The following LARP1 variants were observed in gnomAD, a reference collection of about 807,000 sequenced individuals.
LARP1 encodes the protein la-related protein 1.
LARP1 carries 36 observed loss-of-function variants against 122.7 expected under a neutral mutation model. The ratio of observed to expected loss-of-function variants is 0.29; its 90% CI spans 0.22 to 0.39. The LOEUF (loss-of-function observed/expected upper bound fraction) is 0.39, where lower values mean the gene tolerates loss of function less well. Ranked by LOEUF, LARP1 falls within the 10% of genes least tolerant of loss-of-function variation. LARP1 has a pLI of 1.00. For missense variants in LARP1, 1,040 were observed against 1,403.6 expected (o/e 0.74, Z 4.14); for synonymous variants, 539 against 528.7 (o/e 1.02, Z -0.27).
At chr5:154,732,202 AAAAG>A (rs57870047) in intron 1 of LARP1, among the ~76,000 whole-genome samples, 96,898 of 129,602 alleles carry the variant, frequency 0.75, 36,406 homozygotes, top group Non-Finnish European at 0.85. Flanking sequence ...AAAAAAAAAA[AAAAG>A]AAAGGTGAAT....
In LARP1 at chr5:154,801,557, C is replaced by T. The variant is rs114846367; in HGVS notation, c.1717-450C>T. ...TATATAATTGAACATCTGGTATTAC[C>T]AGATCCCCGTCTAGGTACTGAGTAT... On this transcript the variant is annotated intron_variant, in intron 10 of 18. Coordinates refer to ENST00000518297, the MANE Select transcript of LARP1 (RefSeq NM_033551.3). 2.5e-3 allele frequency among the ~76,000 whole-genome samples: 374 copies of T among 152,256 alleles called. 2 individuals carry two copies. The highest frequency in any genetic ancestry group is 8.4e-3 in the African/African-American group (349 of 41,542).
intron 1 of LARP1, among the ~76,000 whole-genome samples, chr5:154,761,676 A>C (rs1032195398): frequency 6.6e-6 from 1 of 152,104 alleles, no homozygotes; most frequent in Non-Finnish European, 1.5e-5. Flanking sequence ...GCCAGGAGAG[A>C]GGATGGCCTT....
intron 1 of LARP1, among the ~76,000 whole-genome samples, chr5:154,770,768 ACT>A (rs1183986619): frequency 1.3e-5 from 2 of 151,810 alleles, no homozygotes; most frequent in Non-Finnish European, 2.9e-5. Flanking sequence ...TTTTAGTCCC[ACT>A]CTCTAGTTTC....
At chr5:154,783,928 G>T (rs1266144858) in intron 1 of LARP1, among the ~76,000 whole-genome samples, 3 of 152,190 alleles carry the variant, frequency 2.0e-5, no homozygotes. Flanking sequence ...GGTAGGTAAT[G>T]CTCCCAAGGG....
intron 1 of LARP1, among the ~76,000 whole-genome samples, chr5:154,742,484 G>A (rs1752949591): frequency 6.6e-6 from 1 of 152,128 alleles, no homozygotes; most frequent in South Asian, 2.1e-4. Flanking sequence ...TCTTGAACCT[G>A]GGAGGCGGAG....
chr5:154,686,286 C>G (rs888485919), intron 1 of LARP1, among the ~76,000 whole-genome samples: 3 of 152,202 alleles, frequency 2.0e-5, no homozygotes, highest in African/African-American at 7.2e-5. Flanking sequence ...GATGTCACTT[C>G]TGGCTGCGGG....
At chr5:154,746,773 A>T (rs1046095232) in intron 1 of LARP1, among the ~76,000 whole-genome samples, 1 of 152,158 alleles carries the variant, frequency 6.6e-6, no homozygotes, top group Non-Finnish European at 1.5e-5. Flanking sequence ...CCAAGGTATG[A>T]GAATTACTCA....
chr5:154,705,521 T>G (rs2113267572), intron 1 of LARP1: 1 of 152,332 alleles, frequency 6.6e-6, no homozygotes, highest in South Asian at 2.1e-4. Flanking sequence ...TACAGGCACC[T>G]GCCACCACAC....
At chr5:154,736,245 G>A (rs2688209) in intron 1 of LARP1, among the ~76,000 whole-genome samples, 6,938 of 151,758 alleles carry the variant, frequency 0.046, 259 homozygotes, top group African/African-American at 0.11. Context: ...ACAGGCGTGT[G>A]CCACCACACC....
At chr5:154,778,533 G>C (rs995358687) in intron 1 of LARP1, among the ~76,000 whole-genome samples, 1 of 152,120 alleles carries the variant, frequency 6.6e-6, no homozygotes, top group Non-Finnish European at 1.5e-5. Context: ...AATCTTAATA[G>C]CTTATCCTGG....
rs1754421850 is a variant in LARP1, at chr5:154,761,221, G to GT, written c.436+5031dup. Among the ~76,000 whole-genome samples the GT allele has an allele frequency of 2.6e-5, 4 of 152,320 alleles. No individual in the cohort carries two copies. In the South Asian group the frequency reaches 8.3e-4, roughly 32 times the overall value. The stretch of plus-strand genomic sequence containing the variant: ...TGGCCCCTTTCCTTTTGCACAGGTA[G>GT]TTTGAGTTTCATACTAACCCGGAAG... On this transcript the variant is annotated intron_variant, in intron 1 of 18. Coordinates refer to ENST00000518297, the MANE Select transcript of LARP1 (RefSeq NM_033551.3).
upstream of LARP1, among the ~76,000 whole-genome samples, chr5:154,754,660 G>A (rs1246528299): frequency 6.6e-6 from 1 of 152,262 alleles, no homozygotes; most frequent in Non-Finnish European, 1.5e-5. Flanking sequence ...TGCCCGCAAG[G>A]GCTAAAGACT....
Position 154,799,602 on chromosome 5 carries a change from C to T in LARP1, c.1389C>T (p.Asp463=). The change falls in exon 9 of 19, where the codon GAC becomes GAT. Residue 463 remains aspartate (D), a synonymous_variant. Coordinates refer to ENST00000518297, the MANE Select transcript of LARP1 (RefSeq NM_033551.3). ...DISLIFAALK[D]SKVVEIVDEK... is the part of the protein sequence containing the mutation. The stretch of plus-strand genomic sequence containing the variant: ...CTCCTCCCCTTCAGGCCCTAAAGGA[C>T]AGCAAGGTGGTGGAGATCGTTGATG... The T allele has an allele frequency of 6.2e-7, 1 of 1,614,164 alleles. No individual in the cohort carries two copies.
chr5:154,797,452 C>A (rs1324833330), intron 8 of LARP1, among the ~76,000 whole-genome samples: 1 of 151,588 alleles, frequency 6.6e-6, no homozygotes, highest in Non-Finnish European at 1.5e-5. Flanking sequence ...AGGTTGGTCT[C>A]GAACTCCTGA....
At chr5:154,694,930 G>A (rs886148357) in intron 1 of LARP1, among the ~76,000 whole-genome samples, 2 of 151,862 alleles carry the variant, frequency 1.3e-5, no homozygotes, top group African/African-American at 2.4e-5. Context: ...TTCAACTCCT[G>A]GACTCAAGCA....
upstream of LARP1, among the ~76,000 whole-genome samples, chr5:154,750,580 T>C (rs572582979): frequency 8.5e-4 from 125 of 147,928 alleles, no homozygotes; most frequent in Non-Finnish European, 1.4e-3. Context: ...CCCAAATAGG[T>C]ATTTGGACCC....
intron 1 of LARP1, among the ~76,000 whole-genome samples, chr5:154,747,929 C>G (rs1753288247): frequency 6.6e-6 from 1 of 152,146 alleles, no homozygotes; most frequent in Non-Finnish European, 1.5e-5. Flanking sequence ...TGATCAATAG[C>G]TCACTGCAAC....
At chr5:154,710,861 G>C (rs1469543080), upstream of LARP1, among the ~76,000 whole-genome samples, 1 of 151,676 alleles carries the variant, frequency 6.6e-6, no homozygotes, top group Non-Finnish European at 1.5e-5. Context: ...CAAAAGTCCT[G>C]GTTCTCAGCA....
chr5:154,779,499 T>TTC lies in LARP1; in HGVS notation c.437-10820_437-10819dup, dbSNP rs1281737332. On this transcript the variant is annotated intron_variant, in intron 1 of 18. Transcript: ENST00000518297. ...GGGTAGGGGTCGGACCCCCTCTACA[T>TTC]TCTCTCTTTTTTTTTTTTTTTTTTT... 1.3e-4 allele frequency among the ~76,000 whole-genome samples: 20 copies of TTC among 149,114 alleles called. 1 individual carries two copies. Among genetic ancestry groups the TTC allele is most frequent in the Non-Finnish European group, 1.8e-4 (12 of 67,518 alleles).
Sources: allele counts gnomAD v4.1 joint callset (sites outside exome capture counted in the v4.1 genomes callset), GRCh38; gene constraint gnomAD v4.1.1; transcripts MANE v1.5; gene names NCBI Gene and HGNC (gene_info 2026-07-23, HGNC 2026-07-21).